SEZ6: variants seen among roughly 807,000 people sequenced by gnomAD.
The protein encoded by SEZ6 is seizure related 6 homolog.
Under a neutral mutation model 101.0 loss-of-function variants are expected in SEZ6, and 53 were observed. The observed-to-expected ratio is 0.52, with a 90% confidence interval of 0.42 to 0.66. The LOEUF (loss-of-function observed/expected upper bound fraction) is 0.66, where lower values mean the gene tolerates loss of function less well. Ranked by LOEUF, SEZ6 falls within the 30% of genes least tolerant of loss-of-function variation. SEZ6 has a pLI of 0.00. For synonymous variants in SEZ6, 488 were observed against 512.2 expected (o/e 0.95, Z 0.64); for missense variants, 1,102 against 1,289.4 (o/e 0.85, Z 2.23).
intron 3 of SEZ6, 50 bp from the exon 4 acceptor site, chr17:28,970,002 C>T (rs1178113162): frequency 2.0e-6 from 3 of 1,477,456 alleles, no homozygotes; most frequent in South Asian, 1.4e-5. Flanking sequence ...CTTCTTCCTG[C>T]TGCCTGGATC....
At chr17:28,998,333 G>A (rs545185994) in intron 1 of SEZ6, among the ~76,000 whole-genome samples, 1 of 151,996 alleles carries the variant, frequency 6.6e-6, no homozygotes, top group Admixed American at 6.5e-5. Context: ...GTAGAGAGAA[G>A]AGCCTGTTGA....
intron 1 of SEZ6, among the ~76,000 whole-genome samples, chr17:28,985,803 T>G (rs1203356712): frequency 6.6e-6 from 1 of 152,150 alleles, no homozygotes; most frequent in Non-Finnish European, 1.5e-5. Context: ...TACTGCACCA[T>G]GCAAAGGGCG....
intron 4 of SEZ6, 76 bp from the exon 5 acceptor site, chr17:28,964,223 T>A: frequency 7.0e-7 from 1 of 1,425,312 alleles, no homozygotes; most frequent in Non-Finnish European, 9.5e-7. Flanking sequence ...TTGGGGGAGG[T>A]CTGCCTCAGT....
chr17:28,975,778 G>A lies in SEZ6; in HGVS notation c.858+3902C>T, dbSNP rs565310859. On this transcript the variant is annotated intron_variant, in intron 3 of 16. Coordinates refer to ENST00000317338, the MANE Select transcript of SEZ6 (RefSeq NM_178860.5). ...AACTGTCAGCTGGCCTGGCATGGGC[G>A]AGCTGTGTGCCAACAGAGCCACCTG... Among the ~76,000 whole-genome samples, 7 of 152,360 alleles carry A rather than the reference G, an allele frequency of 4.6e-5. No homozygotes were observed. The East Asian group carries it at 1.2e-3, about 25-fold the overall frequency.
intron 4 of SEZ6, among the ~76,000 whole-genome samples, chr17:28,965,550 G>A (rs2041051522): frequency 6.6e-6 from 1 of 151,466 alleles, no homozygotes; most frequent in Non-Finnish European, 1.5e-5. Flanking sequence ...GCTGAAGTGG[G>A]ATCGCTTGAG....
rs758334565 is a variant in SEZ6 at position 28,981,583 on chromosome 17, A to G, written c.512T>C (p.Ile171Thr). 6.2e-7 allele frequency: 1 copy of G among 1,610,178 alleles called. No homozygotes were observed. The highest frequency in any genetic ancestry group is 8.5e-7 in the Non-Finnish European group (1 of 1,177,740). ...MAVPTLGPGE[I>T]ASTTPPSRAW... ...TCTGCTGGGGGGTGTAGTGCTGGCT[A>G]TCTCCCCTGGGCCTAGGGTGGGCAC... Residue 171 changes from isoleucine to threonine, a missense_variant, in exon 2 of 17, where the codon ATA (isoleucine) becomes ACA (threonine). This residue lies in a region of SEZ6 where 406 missense variants were observed against 418.6 expected (regional missense o/e 0.97). Transcript: ENST00000317338.
In SEZ6 at chr17:28,959,750, C is replaced by T. The variant is rs374516850; in HGVS notation, c.1719G>A (p.Glu573=). Residue 573 remains glutamate, a synonymous_variant, in exon 8 of 17, where the codon GAG becomes GAA. Transcript: ENST00000317338. The surrounding 1 kb of genome is among the most constrained non-coding windows in gnomAD (Gnocchi z 4.4). ...YTLEQGSIII[E]CVDPHDPQWN... is the part of the protein sequence containing the mutation. ...ACTGGGGGTCGTGGGGGTCAACACACTCGATGATGATGGAGCCCTGCTCCA... is the reference window on the plus strand; with the variant it reads ...ACTGGGGGTCGTGGGGGTCAACACATTCGATGATGATGGAGCCCTGCTCCA... The T allele has an allele frequency of 2.0e-5, 32 of 1,611,962 alleles. No homozygotes were observed. The highest frequency in any genetic ancestry group is 2.7e-5 in the African/African-American group (2 of 74,894).
Position 28,960,641 on chromosome 17 carries a change from C to G in SEZ6, c.1440G>C (p.Glu480Asp). 1.3e-6 allele frequency: 2 copies of G among 1,599,070 alleles called. No homozygotes were observed. Among genetic ancestry groups the G allele is most frequent in the Non-Finnish European group, 1.7e-6 (2 of 1,172,928 alleles). Reference protein sequence around the residue: ...RLIIRNGDNVEAPPVYDSYEV... With the variant: ...RLIIRNGDNVDAPPVYDSYEV... ...CATAGGAATCATACACTGGTGGGGCCTCCACGTTGTCCCCATTGCGAATGA... is the reference window on the plus strand; with the variant it reads ...CATAGGAATCATACACTGGTGGGGCGTCCACGTTGTCCCCATTGCGAATGA... Residue 480 changes from glutamate to aspartate, a missense_variant, in exon 7 of 17, where the codon GAG (glutamate) becomes GAC (aspartate). Transcript: ENST00000317338.
Position 28,957,961 on chromosome 17 carries a change from G to A in SEZ6, c.2288C>T (p.Pro763Leu). The change falls in exon 11 of 17, where the codon CCC (proline) becomes CTC (leucine). Residue 763 changes from proline to leucine, a missense_variant. Pro to Leu is a moderately conservative substitution (Grantham distance 98). Transcript: ENST00000317338. Reference protein sequence around the residue: ...QWDLTWSEDLPSCQRVTSCHD... With the variant: ...QWDLTWSEDLLSCQRVTSCHD... ...GGTATACTCACCCCTCTGGCATGAG[G>A]GCAGGTCCTCACTCCAAGTTAGGTC... 3 of 1,613,644 alleles carry A rather than the reference G, an allele frequency of 1.9e-6. No homozygotes were observed. Among genetic ancestry groups the A allele is most frequent in the Non-Finnish European group, 2.5e-6 (3 of 1,179,606 alleles).
chr17:28,967,273 G>A (rs1056797645), intron 4 of SEZ6, among the ~76,000 whole-genome samples: 1 of 152,156 alleles, frequency 6.6e-6, no homozygotes, highest in African/African-American at 2.4e-5. Context: ...CAATATGCTT[G>A]GGAGAAAGGC....
intron 1 of SEZ6, among the ~76,000 whole-genome samples, chr17:28,988,683 C>T (rs1228939577): frequency 6.6e-6 from 1 of 152,216 alleles, no homozygotes; most frequent in Non-Finnish European, 1.5e-5. Flanking sequence ...TCTTGGTCAA[C>T]CCCTGCAGTC....
Position 28,956,797 on chromosome 17 carries a change from C to A in SEZ6, c.2693-40G>T, listed in dbSNP as rs1394986489. ...GAGGGCCAAGGGCAGTGAGTGAGCC[C>A]AATGGGCCAAACCACTAAGGCAGGG... On this transcript the variant is annotated intron_variant, in intron 13 of 16. Coordinates refer to ENST00000317338, the MANE Select transcript of SEZ6 (RefSeq NM_178860.5). 3 of 1,553,512 alleles carry A rather than the reference C, an allele frequency of 1.9e-6. No individual in the cohort carries two copies. The African/African-American group carries it at 4.1e-5, about 21-fold the overall frequency.
At chr17:28,988,781 G>A (rs932362311) in intron 1 of SEZ6, among the ~76,000 whole-genome samples, 1 of 152,224 alleles carries the variant, frequency 6.6e-6, no homozygotes, top group Admixed American at 6.5e-5. Flanking sequence ...CAGAACATGA[G>A]CCCTTGTAGC....
rs772376306 is a variant in SEZ6, at chr17:28,963,943, C to G, written c.1240+19G>C. The G allele has an allele frequency of 3.9e-6, 6 of 1,536,820 alleles. No homozygotes were observed. The highest frequency in any genetic ancestry group is 5.2e-6 in the Non-Finnish European group (6 of 1,155,666). On this transcript the variant is annotated intron_variant, in intron 5 of 16. Transcript: ENST00000317338. Reference sequence around the variant, plus strand: ...TCACTTCTCTGCTCAGCACTGAGCCCTTTCCCCTGGGCACTCACCGATGCA... The same window carrying G: ...TCACTTCTCTGCTCAGCACTGAGCCGTTTCCCCTGGGCACTCACCGATGCA...
chr17:28,995,417 G>A (rs138187548), intron 1 of SEZ6, among the ~76,000 whole-genome samples: 92 of 152,166 alleles, frequency 6.0e-4, no homozygotes, highest in African/African-American at 2.1e-3. Flanking sequence ...TGGAGAGAGC[G>A]CTAAGGTTTC....
At chr17:29,001,733 G>A (rs2041617037) in intron 1 of SEZ6, among the ~76,000 whole-genome samples, 1 of 152,220 alleles carries the variant, frequency 6.6e-6, no homozygotes, top group Non-Finnish European at 1.5e-5. Context: ...CTTCCTGTTG[G>A]AATTGGTCTT....
At chr17:28,995,925 C>T (rs866547981) in intron 1 of SEZ6, among the ~76,000 whole-genome samples, 19 of 152,130 alleles carry the variant, frequency 1.2e-4, no homozygotes, top group Admixed American at 5.9e-4. Flanking sequence ...GCATGCCTCC[C>T]TCCTCTCCAC....
chr17:29,001,807 C>T (rs965220830), intron 1 of SEZ6, among the ~76,000 whole-genome samples: 16 of 152,192 alleles, frequency 1.1e-4, no homozygotes, highest in East Asian at 3.9e-4. Flanking sequence ...GCATAGTCTC[C>T]GCCAGAAACC....
chr17:28,955,402 A>C lies in SEZ6; in HGVS notation c.*560T>G, dbSNP rs537364402. ...CTAGAATTACTGCCTCCACTGGGAC[A>C]GGGCAGGAGGCAGAACTGTCCAGAA... On this transcript the variant is annotated 3_prime_UTR_variant, in exon 17 of 17. Coordinates refer to ENST00000317338, the MANE Select transcript of SEZ6 (RefSeq NM_178860.5). 1 of 314,948 alleles carries C rather than the reference A, an allele frequency of 3.2e-6. No homozygotes were observed. Among genetic ancestry groups the C allele is most frequent in the African/African-American group, 2.2e-5 (1 of 45,898 alleles). 19.5% of individuals were successfully genotyped at this position (314,948 alleles called of 1,614,324 possible).
Sources: allele counts gnomAD v4.1 joint callset (sites outside exome capture counted in the v4.1 genomes callset), GRCh38; gene constraint gnomAD v4.1.1; regional missense constraint gnomAD v4.1.1; non-coding constraint Gnocchi (gnomAD v3.1); transcripts MANE v1.5; gene names NCBI Gene and HGNC (gene_info 2026-07-23, HGNC 2026-07-21).